RNF8: variants seen among roughly 807,000 people sequenced by gnomAD.
RNF8 encodes the protein ring finger protein 8, also known as E3 ubiquitin-protein ligase RNF8.
RNF8 carries 8 observed loss-of-function variants against 59.3 expected under a neutral mutation model. The ratio of observed to expected loss-of-function variants is 0.13; its 90% confidence interval spans 0.08 to 0.24. RNF8 has a LOEUF of 0.24. RNF8 is among the 10% of genes least tolerant of loss of function. RNF8 has a pLI of 1.00. For synonymous variants in RNF8, 162 were observed against 200.0 expected (o/e 0.81, Z 1.60); for missense variants, 406 against 572.6 (o/e 0.71, Z 2.97).
chr6:37,378,600 CAAA>C (rs554259061), intron 6 of RNF8, among the ~76,000 whole-genome samples: 4 of 56,556 alleles, frequency 7.1e-5, no homozygotes, highest in Admixed American at 1.9e-4. Flanking sequence ...GACTCCGTCT[CAAA>C]AAAAAAAAAA....
Position 37,368,675 on chromosome 6 carries a change from A to G in RNF8, c.432A>G (p.Ile144Met). ...PCLSPKNDQM[I>M]EKNKELRTKR... ...TTTCCCCAAAGAATGACCAAATGAT[A>G]GAAAAAAATAAGGAATTGAGAACTA... is the stretch of plus-strand genomic sequence containing the variant. The change falls in exon 3 of 8, where the codon ATA becomes ATG. Residue 144 changes from isoleucine to methionine, a missense_variant. This residue lies in a region of RNF8 where 285 missense variants were observed against 342.0 expected (regional missense o/e 0.83). Transcript: ENST00000373479. 1 of 1,613,804 alleles carries G rather than the reference A, an allele frequency of 6.2e-7. No individual in the cohort carries two copies. The highest frequency in any genetic ancestry group is 1.6e-4 in the Middle Eastern group (1 of 6,062).
At chr6:37,379,605 A>G (rs1302201093) in intron 6 of RNF8, among the ~76,000 whole-genome samples, 1 of 152,192 alleles carries the variant, frequency 6.6e-6, no homozygotes, top group Non-Finnish European at 1.5e-5. Context: ...CCCCACAAAT[A>G]CAGGCTTCCT....
intron 7 of RNF8, among the ~76,000 whole-genome samples, chr6:37,386,154 A>T (rs1042843732): frequency 6.6e-6 from 1 of 151,702 alleles, no homozygotes; most frequent in Non-Finnish European, 1.5e-5. Flanking sequence ...TTCCCCTATC[A>T]CTCTTATTGG....
intron 7 of RNF8, among the ~76,000 whole-genome samples, chr6:37,388,006 G>C (rs1045843818): frequency 6.6e-6 from 1 of 152,316 alleles, no homozygotes; most frequent in East Asian, 1.9e-4. Flanking sequence ...CTAGGGGCAG[G>C]GGGAAACAGA....
At chr6:37,379,006 T>A (rs1322186014) in intron 6 of RNF8, among the ~76,000 whole-genome samples, 3 of 152,002 alleles carry the variant, frequency 2.0e-5, no homozygotes, top group Non-Finnish European at 2.9e-5. Context: ...TATGTTTTAT[T>A]TTATTTATTT....
At position 37,391,805 on chromosome 6, in the gene RNF8, A is replaced by G. The variant is rs1172296713; in HGVS notation, c.*1047A>G. The G allele has an allele frequency of 6.6e-6, 1 of 152,254 alleles. No homozygotes were observed. The highest frequency in any genetic ancestry group is 1.5e-5 in the Non-Finnish European group (1 of 68,090). The allele number at this position is 152,254 out of a possible 1,614,324, so 9.4% of individuals were successfully genotyped here. A position where few individuals can be genotyped will look rare whatever the true frequency, so the allele number is the denominator to read the frequency against. On this transcript the variant is annotated 3_prime_UTR_variant, in exon 8 of 8. Transcript: ENST00000373479. ...GTAGCTGGGACTACAGGCATATGCC[A>G]TCACACCCAGCTAATTTTTGTTTTT...
At chr6:37,359,225 A>T (rs1354046321) in intron 1 of RNF8, 2 of 454,976 alleles carry the variant, frequency 4.4e-6, no homozygotes. Context: ...AGTATGATAG[A>T]TGTGAACTGG....
chr6:37,361,058 C>T (rs1769302041), intron 2 of RNF8: 3 of 352,322 alleles, frequency 8.5e-6, no homozygotes, highest in South Asian at 4.3e-5. Context: ...ATTGGTGTTC[C>T]GAAGATTTCC....
intron 2 of RNF8, among the ~76,000 whole-genome samples, chr6:37,361,776 T>A (rs1769334896): frequency 1.3e-5 from 2 of 152,330 alleles, no homozygotes; most frequent in Middle Eastern, 3.4e-3. Flanking sequence ...TAAGTTGAGT[T>A]GGCACTGTAT....
chr6:37,356,645 C>A (rs937104167), intron 1 of RNF8, among the ~76,000 whole-genome samples: 8 of 152,142 alleles, frequency 5.3e-5, no homozygotes, highest in Non-Finnish European at 8.8e-5. Flanking sequence ...AACAACAGAA[C>A]CTTCTCTCCC....
chr6:37,357,145 T>C (rs1241784638), intron 1 of RNF8, among the ~76,000 whole-genome samples: 2 of 152,220 alleles, frequency 1.3e-5, no homozygotes, highest in Non-Finnish European at 2.9e-5. Flanking sequence ...CAATAATGTG[T>C]GTAAGCTCAA....
At chr6:37,375,351 C>G (rs923479111) in intron 5 of RNF8, among the ~76,000 whole-genome samples, 5 of 152,150 alleles carry the variant, frequency 3.3e-5, no homozygotes, top group African/African-American at 1.2e-4. Flanking sequence ...AGATGAAAGT[C>G]CAAATGTTTA....
intron 2 of RNF8, among the ~76,000 whole-genome samples, chr6:37,362,325 G>A (rs1010255850): frequency 2.0e-5 from 3 of 152,146 alleles, no homozygotes; most frequent in Admixed American, 2.0e-4. Context: ...GGATACAGAG[G>A]CAGCCTGTGC....
intron 2 of RNF8, among the ~76,000 whole-genome samples, chr6:37,364,745 G>A (rs182098335): frequency 6.6e-6 from 1 of 152,280 alleles, no homozygotes; most frequent in African/African-American, 2.4e-5. Flanking sequence ...AAACTTGTAT[G>A]TGAATGTTTC....
In RNF8 at chr6:37,376,931, G is replaced by T. The variant is rs746461425; in HGVS notation, c.1134G>T (p.Glu378Asp). ...KNKELEQTKEEKEKMQAQKEE... is the reference protein window; with the variant it reads ...KNKELEQTKEDKEKMQAQKEE... ...TAGGATTGTGTGTCTTGCAGGAAGA[G>T]AAGGAGAAGATGCAAGCACAGAAGG... The change falls in exon 6 of 8, where the codon GAG becomes GAT. Residue 378 changes from glutamate (E) to aspartate (D), a missense_variant. Physicochemically the swap from Glu to Asp is conservative, Grantham distance 45. Around this residue, in one of 3 missense-constraint regions of RNF8, gnomAD observed 285 missense variants for 342.0 expected, o/e 0.83. Transcript: ENST00000373479. 6.2e-7 allele frequency: 1 copy of T among 1,611,262 alleles called. No individual in the cohort carries two copies.
chr6:37,374,961 T>C lies in RNF8; in HGVS notation c.1128+252T>C, dbSNP rs190422715. Reference sequence around the variant, plus strand: ...ATCCTGTATTCTAGTCCTTTGTCTATGGTGGGTACTCCTTCAGAGTGTGTC... The same window carrying C: ...ATCCTGTATTCTAGTCCTTTGTCTACGGTGGGTACTCCTTCAGAGTGTGTC... On this transcript the variant is annotated intron_variant, in intron 5 of 7. Coordinates refer to ENST00000373479, the MANE Select transcript of RNF8 (RefSeq NM_003958.4). 2.1e-3 allele frequency among the ~76,000 whole-genome samples: 319 copies of C among 152,356 alleles called. 2 individuals are homozygous for C. Among genetic ancestry groups the C allele is most frequent in the African/African-American group, 7.2e-3 (298 of 41,584 alleles).
Position 37,388,313 on chromosome 6 carries a change from G to A in RNF8, c.1442-2429G>A, listed in dbSNP as rs76228606. Among the ~76,000 whole-genome samples, 517 of 152,294 alleles carry A rather than the reference G, an allele frequency of 3.4e-3. 1 individual carries two copies. The highest frequency in any genetic ancestry group is 5.5e-3 in the Non-Finnish European group (374 of 68,028). On this transcript the variant is annotated intron_variant, in intron 7 of 7. Transcript: ENST00000373479. ...TTGGGGCACCTGAGTTGATGATGAT[G>A]CATTTACTAAAATAGGAGTAGTTGG...
chr6:37,389,861 A>G lies in RNF8; in HGVS notation c.1442-881A>G, dbSNP rs1350321977. On this transcript the variant is annotated intron_variant, in intron 7 of 7. Coordinates refer to ENST00000373479, the MANE Select transcript of RNF8 (RefSeq NM_003958.4). ...AAGGCTGAGGGCATGCCCAGCCCCA[A>G]GGCCCACCACCTCAAAGGCTACCCA... is the stretch of plus-strand genomic sequence containing the variant. 5.3e-5 allele frequency among the ~76,000 whole-genome samples: 8 copies of G among 151,958 alleles called. No individual in the cohort carries two copies. In the East Asian group the frequency reaches 1.3e-3, roughly 26 times the overall value.
At chr6:37,380,699 T>G (rs918442470) in intron 6 of RNF8, among the ~76,000 whole-genome samples, 2 of 149,070 alleles carry the variant, frequency 1.3e-5, no homozygotes, top group Non-Finnish European at 3.0e-5. Context: ...TCCCCAACCC[T>G]AAAAACGATT....
Sources: gnomAD v4.1 joint callset for allele counts (sites outside exome capture counted in the v4.1 genomes callset) on GRCh38, gnomAD v4.1.1 for gene constraint, gnomAD v4.1.1 regional missense constraint, MANE v1.5 for transcripts, NCBI Gene and HGNC (gene_info 2026-07-23, HGNC 2026-07-21) for gene names.